The following HTR4 variants were observed in gnomAD, a reference collection of about 807,000 sequenced individuals.
HTR4 encodes 5-hydroxytryptamine receptor 4, also known as 5-hydroxytryptamine (serotonin) receptor 4, G protein-coupled.
Under a neutral mutation model 36.8 loss-of-function variants are expected in HTR4, and 16 were observed. That is an observed-to-expected ratio of 0.43 (90% confidence interval 0.29 to 0.66). HTR4 has a LOEUF of 0.66. HTR4 is among the 30% of genes least tolerant of loss of function. HTR4 has a pLI of 0.13. For synonymous variants in HTR4, 189 were observed against 185.1 expected, an observed-to-expected ratio of 1.02 and a Z score of -0.17; for missense variants, 438 against 490.9, an observed-to-expected ratio of 0.89 and a Z score of 1.02.
chr5:148,654,203 G>A lies in HTR4; in HGVS notation c.-189C>T. The A allele has an allele frequency of 1.0e-6, 1 of 984,904 alleles. No homozygotes were observed. Among genetic ancestry groups the A allele is most frequent in the Non-Finnish European group, 1.2e-6 (1 of 829,760 alleles). 61.0% of individuals were successfully genotyped at this position (984,904 alleles called of 1,614,324 possible). A position where few individuals can be genotyped will look rare whatever the true frequency, so the allele number is the denominator to read the frequency against. On this transcript the variant is annotated 5_prime_UTR_variant, in exon 1 of 7. Transcript: ENST00000377888. ...CCTCCCTGCCGCCCCCTCGGGTGCG[G>A]GCTCCAGCCCCCGCGCTGGGGAGCC...
intron 2 of HTR4, among the ~76,000 whole-genome samples, chr5:148,550,635 C>T (rs770153131): frequency 2.0e-4 from 31 of 152,310 alleles, no homozygotes; most frequent in Non-Finnish European, 3.8e-4. Flanking sequence ...AACTTTGCAA[C>T]TGCAGGAGCA....
At chr5:148,479,101 C>T (rs564480748), downstream of HTR4, among the ~76,000 whole-genome samples, 49 of 152,222 alleles carry the variant, frequency 3.2e-4, no homozygotes, top group African/African-American at 1.1e-3. Context: ...AATGCCTCCT[C>T]GTGGTTTGTG....
In HTR4 at chr5:148,580,470, G is replaced by A. The variant is rs370478507; in HGVS notation, c.27-30208C>T. On this transcript the variant is annotated intron_variant, in intron 2 of 6. Coordinates refer to ENST00000377888, the MANE Select transcript of HTR4 (RefSeq NM_000870.7). The stretch of plus-strand genomic sequence containing the variant: ...CACTGTATCTTATTGTTAACTGCAG[G>A]CACTATTTTGTACAGACCTCTAGAA... Among the ~76,000 whole-genome samples, 11 of 152,006 alleles carry A rather than the reference G, an allele frequency of 7.2e-5. No individual in the cohort carries two copies. In the South Asian group the frequency reaches 1.5e-3, roughly 20 times the overall value.
chr5:148,591,029 C>A (rs921544808), intron 2 of HTR4, among the ~76,000 whole-genome samples: 4 of 152,238 alleles, frequency 2.6e-5, no homozygotes, highest in African/African-American at 9.6e-5. Context: ...AGGGGTCCAG[C>A]TTCAATCTTC....
intron 2 of HTR4, among the ~76,000 whole-genome samples, chr5:148,574,093 G>A (rs1050127580): frequency 1.3e-5 from 2 of 152,008 alleles, no homozygotes; most frequent in Non-Finnish European, 2.9e-5. Flanking sequence ...TCCCGCAGGA[G>A]GGCAAAGCAC....
At chr5:148,463,253 A>T (rs1755331310) in intron 5 of HTR4, among the ~76,000 whole-genome samples, 1 of 140,924 alleles carries the variant, frequency 7.1e-6, no homozygotes, top group South Asian at 2.2e-4. Flanking sequence ...GCTCACTGCA[A>T]CTTCCATCTC....
rs370911055 is a variant in HTR4, at chr5:148,503,220, A to C, written c.1076+6236T>G. Among the ~76,000 whole-genome samples the C allele has an allele frequency of 1.7e-3, 265 of 152,244 alleles. 7 individuals are homozygous for C. The East Asian group carries it at 0.035, about 20-fold the overall frequency. On this transcript the variant is annotated intron_variant, in intron 6 of 6. Coordinates refer to ENST00000377888, the MANE Select transcript of HTR4 (RefSeq NM_000870.7). ...TTCACCAAAGTTGAAATGAAGGAAA[A>C]AATGTTAAGGGCAGCCAGAGAGAAA...
At chr5:148,501,904 A>G (rs1756950987) in intron 6 of HTR4, among the ~76,000 whole-genome samples, 1 of 151,790 alleles carries the variant, frequency 6.6e-6, no homozygotes, top group Non-Finnish European at 1.5e-5. Context: ...CTAAAAATAC[A>G]AAAAAATTAG....
chr5:148,500,315 A>G (rs758804338), intron 6 of HTR4, among the ~76,000 whole-genome samples: 5 of 152,104 alleles, frequency 3.3e-5, no homozygotes, highest in Admixed American at 1.3e-4. Context: ...AAGTAAGAGC[A>G]TAGTCTGAGA....
At chr5:148,618,152 C>G (rs1318489442) in intron 2 of HTR4, among the ~76,000 whole-genome samples, 1 of 152,172 alleles carries the variant, frequency 6.6e-6, no homozygotes, top group Non-Finnish European at 1.5e-5. Context: ...GAACCAATCA[C>G]TGTAGCCAGG....
chr5:148,529,899 G>A (rs1758469459), intron 4 of HTR4, among the ~76,000 whole-genome samples: 1 of 152,184 alleles, frequency 6.6e-6, no homozygotes, highest in Non-Finnish European at 1.5e-5. Context: ...GGTGGCTCTT[G>A]TTATGATTTA....
chr5:148,649,005 T>A (rs1472248104), intron 1 of HTR4, among the ~76,000 whole-genome samples: 2 of 152,194 alleles, frequency 1.3e-5, no homozygotes, highest in African/African-American at 4.8e-5. Context: ...TTATTATGTA[T>A]AACCAATAAA....
intron 2 of HTR4, among the ~76,000 whole-genome samples, chr5:148,566,333 T>C (rs1323218078): frequency 6.6e-6 from 1 of 152,116 alleles, no homozygotes; most frequent in African/African-American, 2.4e-5. Context: ...TTTTAAAAAA[T>C]TACAAAAATA....
At chr5:148,521,665 TA>T (rs1314802929) in intron 5 of HTR4, among the ~76,000 whole-genome samples, 1 of 151,956 alleles carries the variant, frequency 6.6e-6, no homozygotes, top group African/African-American at 2.4e-5. Flanking sequence ...ACACACCCAT[TA>T]GTTATGTTTA....
At chr5:148,564,280 T>C (rs1209917788) in intron 2 of HTR4, among the ~76,000 whole-genome samples, 2 of 152,216 alleles carry the variant, frequency 1.3e-5, no homozygotes, top group Non-Finnish European at 2.9e-5. Context: ...AGCTCTCGCA[T>C]GTCCTTCAGC....
chr5:148,587,330 GA>G (rs1033605072), intron 2 of HTR4, among the ~76,000 whole-genome samples: 2 of 152,184 alleles, frequency 1.3e-5, no homozygotes, highest in African/African-American at 4.8e-5. Context: ...ACAGGCTTAG[GA>G]AAGGTAGATG....
intron 2 of HTR4, among the ~76,000 whole-genome samples, chr5:148,622,549 A>G (rs1752953458): frequency 6.6e-6 from 1 of 152,240 alleles, no homozygotes; most frequent in African/African-American, 2.4e-5. Context: ...ACTTACTGAC[A>G]CATGGATAGT....
intron 6 of HTR4, among the ~76,000 whole-genome samples, chr5:148,505,325 C>A (rs1474091744): frequency 6.6e-6 from 1 of 152,154 alleles, no homozygotes; most frequent in African/African-American, 2.4e-5. Flanking sequence ...TTCAACAGCC[C>A]TTCATGGTAA....
At chr5:148,455,091 G>A (rs1220262758) in intron 5 of HTR4, among the ~76,000 whole-genome samples, 1 of 152,180 alleles carries the variant, frequency 6.6e-6, no homozygotes, top group Admixed American at 6.5e-5. Context: ...ATTTTTGGAA[G>A]TTACATACCT....
Sources: allele counts gnomAD v4.1 joint callset (sites outside exome capture counted in the v4.1 genomes callset), GRCh38; gene constraint gnomAD v4.1.1; transcripts MANE v1.5; gene names NCBI Gene and HGNC (gene_info 2026-07-23, HGNC 2026-07-21).